The following LINGO2 variants were observed in gnomAD, a reference collection of about 807,000 sequenced individuals.
LINGO2 encodes the protein leucine-rich repeat and immunoglobulin-like domain-containing nogo receptor-interacting protein 2.
LINGO2 carries 14 observed loss-of-function variants against 30.6 expected under a neutral mutation model. The ratio of observed to expected loss-of-function variants is 0.46; its 90% CI spans 0.30 to 0.72. LINGO2 has a LOEUF of 0.72. Ranked by LOEUF, LINGO2 falls within the 30% of genes least tolerant of loss-of-function variation. The pLI, the probability that LINGO2 is intolerant of heterozygous loss-of-function variation, is 0.07. For synonymous variants in LINGO2, 317 were observed against 288.5 expected (o/e 1.10, Z -1.00); for missense variants, 729 against 751.7 (o/e 0.97, Z 0.35).
intron 3 of LINGO2, among the ~76,000 whole-genome samples, chr9:28,346,150 T>C (rs899029736): frequency 6.6e-6 from 1 of 152,156 alleles, no homozygotes; most frequent in Non-Finnish European, 1.5e-5. Flanking sequence ...GAGATTATTT[T>C]GTTACCCAGA....
intron 4 of LINGO2, among the ~76,000 whole-genome samples, chr9:28,084,316 T>C (rs537199859): frequency 2.0e-5 from 3 of 152,286 alleles, no homozygotes; most frequent in South Asian, 2.1e-4. Context: ...GTATCTATTA[T>C]GCACCTGCAG....
chr9:28,889,982 A>T, the LINGO2 span, among the ~76,000 whole-genome samples: 4 of 152,102 alleles, frequency 2.6e-5, no homozygotes, highest in Non-Finnish European at 5.9e-5. Context: ...TGTATAGGCA[A>T]TTATGCCTGT....
downstream of LINGO2, chr9:27,947,945 A>G (rs954848574): frequency 6.6e-6 from 1 of 152,172 alleles, no homozygotes; most frequent in African/African-American, 2.4e-5. Flanking sequence ...TAAATGAATC[A>G]TTTTCATTAT....
At chr9:28,371,016 G>A (rs544116327) in intron 3 of LINGO2, among the ~76,000 whole-genome samples, 4 of 152,306 alleles carry the variant, frequency 2.6e-5, no homozygotes, top group East Asian at 3.9e-4. Context: ...TAGAGTGCAC[G>A]TAAATGGAAG....
the LINGO2 span, among the ~76,000 whole-genome samples, chr9:28,990,589 T>C: frequency 6.6e-6 from 1 of 152,108 alleles, no homozygotes; most frequent in Admixed American, 6.5e-5. Flanking sequence ...CTGAGCAGCC[T>C]AACTGGGAGG....
intron 1 of LINGO2, among the ~76,000 whole-genome samples, chr9:28,553,995 G>A (rs939783068): frequency 3.9e-5 from 6 of 152,090 alleles, no homozygotes; most frequent in Non-Finnish European, 5.9e-5. Flanking sequence ...GCTGCTGAAG[G>A]AAGCGCTAAA....
At chr9:27,982,938 C>G (rs749404020) in intron 5 of LINGO2, among the ~76,000 whole-genome samples, 2 of 151,720 alleles carry the variant, frequency 1.3e-5, no homozygotes, top group Admixed American at 1.3e-4. Flanking sequence ...TACATGTTAT[C>G]AATCCATTGT....
intron 4 of LINGO2, among the ~76,000 whole-genome samples, chr9:28,183,321 G>A (rs1819425627): frequency 6.6e-6 from 1 of 152,062 alleles, no homozygotes. Flanking sequence ...GGGGGCGAGG[G>A]GAGGGAACTT....
intron 4 of LINGO2, among the ~76,000 whole-genome samples, chr9:28,171,015 C>A (rs1221477624): frequency 2.0e-5 from 3 of 152,136 alleles, no homozygotes; most frequent in Admixed American, 1.3e-4. Flanking sequence ...CACCATCATC[C>A]CCAACCCAAA....
rs769615475 is a variant in LINGO2 at position 28,149,977 on chromosome 9, G to A, written c.-86-137572C>T. Among the ~76,000 whole-genome samples the A allele has an allele frequency of 2.4e-4, 36 of 149,510 alleles. No individual in the cohort carries two copies. In the East Asian group the frequency reaches 3.2e-3, roughly 13 times the overall value. ...CCTCACCGTCTGGGAAATGAGGAGC[G>A]CCTCTGCCTTGCCGCTGTCCTGTCT... On this transcript the variant is annotated intron_variant, in intron 4 of 5. Transcript: ENST00000379992.
At chr9:29,182,493 A>C in the LINGO2 span, among the ~76,000 whole-genome samples, 1 of 152,192 alleles carries the variant, frequency 6.6e-6, no homozygotes, top group Non-Finnish European at 1.5e-5. Context: ...ACAGATGTTA[A>C]AACTGGCTCT....
the LINGO2 span, among the ~76,000 whole-genome samples, chr9:29,191,547 A>G: frequency 3.3e-5 from 5 of 151,896 alleles, no homozygotes; most frequent in African/African-American, 1.2e-4. Context: ...CTGGGTGCTA[A>G]TTATTATTAT....
the LINGO2 span, among the ~76,000 whole-genome samples, chr9:28,918,105 C>A: frequency 1.3e-5 from 2 of 151,474 alleles, no homozygotes; most frequent in African/African-American, 4.9e-5. Context: ...AAGACATATC[C>A]GAGACTGGGA....
At chr9:28,648,388 A>T (rs1563891364) in intron 1 of LINGO2, among the ~76,000 whole-genome samples, 1 of 152,112 alleles carries the variant, frequency 6.6e-6, no homozygotes, top group Non-Finnish European at 1.5e-5. Flanking sequence ...TTCTCTAAGG[A>T]TCGGTCAATG....
At chr9:28,981,520 T>G in the LINGO2 span, among the ~76,000 whole-genome samples, 1 of 152,106 alleles carries the variant, frequency 6.6e-6, no homozygotes, top group African/African-American at 2.4e-5. Flanking sequence ...TATACATCAC[T>G]TTCAAATGAA....
At chr9:28,545,660 G>T (rs947239719) in intron 1 of LINGO2, among the ~76,000 whole-genome samples, 1 of 151,894 alleles carries the variant, frequency 6.6e-6, no homozygotes, top group African/African-American at 2.4e-5. Flanking sequence ...GGAAAAAGAG[G>T]GGGGGAACTT....
the LINGO2 span, among the ~76,000 whole-genome samples, chr9:29,103,580 G>A: frequency 6.6e-6 from 1 of 151,224 alleles, no homozygotes; most frequent in African/African-American, 2.4e-5. Flanking sequence ...CTTTATTTTA[G>A]GTATTTAAAT....
chr9:28,207,473 A>C (rs1820447673), intron 4 of LINGO2, among the ~76,000 whole-genome samples: 1 of 152,088 alleles, frequency 6.6e-6, no homozygotes, highest in Admixed American at 6.6e-5. Context: ...GACCTGTTTC[A>C]TTTCTTACAA....
At chr9:28,850,262 A>C in the LINGO2 span, among the ~76,000 whole-genome samples, 1 of 152,096 alleles carries the variant, frequency 6.6e-6, no homozygotes, top group East Asian at 1.9e-4. Context: ...TTAGACTATG[A>C]ATGATAATAA....
Sources: gnomAD v4.1 joint callset for allele counts (sites outside exome capture counted in the v4.1 genomes callset) on GRCh38, gnomAD v4.1.1 for gene constraint, MANE v1.5 for transcripts, NCBI Gene and HGNC (gene_info 2026-07-23, HGNC 2026-07-21) for gene names.